TNNI3K: variants seen among roughly 807,000 people sequenced by gnomAD.
TNNI3K encodes the protein TNNI3 interacting kinase, also known as serine/threonine-protein kinase TNNI3K.
Under a neutral mutation model 114.5 loss-of-function variants are expected in TNNI3K, and 140 were observed. The ratio of observed to expected loss-of-function variants is 1.22; its 90% CI spans 1.07 to 1.41. The LOEUF (loss-of-function observed/expected upper bound fraction) is 1.41, where lower values mean the gene tolerates loss of function less well. TNNI3K is among the 40% of genes most tolerant of loss of function. The pLI, the probability that TNNI3K is intolerant of heterozygous loss-of-function variation, is 0.00. For synonymous variants in TNNI3K, 347 were observed against 347.5 expected (o/e 1.00, Z 0.02); for missense variants, 1,125 against 1,007.6 (o/e 1.12, Z -1.58).
rs551875023 is a variant in TNNI3K, at chr1:74,265,970, C to A, written c.334-5628C>A. Among the ~76,000 whole-genome samples the A allele has an allele frequency of 7.2e-5, 11 of 151,992 alleles. No individual in the cohort carries two copies. The South Asian group carries it at 2.3e-3, about 32-fold the overall frequency. On this transcript the variant is annotated intron_variant, in intron 4 of 24. Transcript: ENST00000326637. ...ACTATGGGTTATTGAATTATTTATT[C>A]ATTTTCTTTGTTTTTTACATTTTCT...
chr1:74,353,510 C>A, intron 10 of TNNI3K, 150 bp downstream of exon 10: 1 of 871,970 alleles, frequency 1.1e-6, no homozygotes, highest in Non-Finnish European at 1.7e-6. Flanking sequence ...TTGATAATGA[C>A]TGATAATAAT....
chr1:74,457,994 A>G (rs1314074015), intron 20 of TNNI3K, among the ~76,000 whole-genome samples: 1 of 152,200 alleles, frequency 6.6e-6, no homozygotes, highest in Non-Finnish European at 1.5e-5. Flanking sequence ...AACAAAACAG[A>G]AAACATACAA....
At chr1:74,251,635 G>A (rs1290356177) in intron 4 of TNNI3K, among the ~76,000 whole-genome samples, 1 of 152,072 alleles carries the variant, frequency 6.6e-6, no homozygotes, top group Non-Finnish European at 1.5e-5. Context: ...ATTTTCAAGC[G>A]AGTCTGTGAC....
At chr1:74,283,961 T>C (rs1237959894) in intron 5 of TNNI3K, among the ~76,000 whole-genome samples, 2 of 152,156 alleles carry the variant, frequency 1.3e-5, no homozygotes. Flanking sequence ...CCATACTCCT[T>C]ACAAGGAATT....
rs182984104 is a variant in TNNI3K, at chr1:74,410,318, T to C, written c.1773-25762T>C. ...GGAACTTTAGCTGTCCCAAAGAGCT[T>C]ATATTAATTTTCCAAAATCACGCAA... On this transcript the variant is annotated intron_variant, in intron 17 of 24. Transcript: ENST00000326637. 3.0e-4 allele frequency among the ~76,000 whole-genome samples: 46 copies of C among 152,276 alleles called. No homozygotes were observed. In the East Asian group the frequency reaches 8.5e-3, roughly 28 times the overall value.
chr1:74,319,629 C>T (rs1287132982), intron 5 of TNNI3K, among the ~76,000 whole-genome samples: 1 of 152,112 alleles, frequency 6.6e-6, no homozygotes, highest in Non-Finnish European at 1.5e-5. Context: ...CAAACATGGC[C>T]TGGCAAGTAG....
chr1:74,462,601 A>T (rs1029978968), intron 20 of TNNI3K, among the ~76,000 whole-genome samples: 2 of 152,224 alleles, frequency 1.3e-5, no homozygotes, highest in African/African-American at 4.8e-5. Flanking sequence ...CCTACTTTGC[A>T]TGGTGGTTAG....
chr1:74,508,869 AC>A (rs1290237969), intron 23 of TNNI3K, among the ~76,000 whole-genome samples: 2 of 152,154 alleles, frequency 1.3e-5, no homozygotes, highest in African/African-American at 4.8e-5. Flanking sequence ...TAAAATAGGG[AC>A]CATAATATTA....
intron 5 of TNNI3K, among the ~76,000 whole-genome samples, chr1:74,309,225 G>A (rs547700791): frequency 1.2e-4 from 18 of 149,566 alleles, no homozygotes; most frequent in South Asian, 6.5e-4. Context: ...AAAATTAGCC[G>A]GGCGAGGTGG....
intron 9 of TNNI3K, among the ~76,000 whole-genome samples, chr1:74,352,381 G>T (rs1570506707): frequency 6.6e-6 from 1 of 152,164 alleles, no homozygotes; most frequent in South Asian, 2.1e-4. Context: ...TGCCCCTACT[G>T]GGGGATGCCT....
intron 2 of TNNI3K, among the ~76,000 whole-genome samples, chr1:74,242,056 A>C (rs922440948): frequency 6.6e-6 from 1 of 151,878 alleles, no homozygotes; most frequent in Non-Finnish European, 1.5e-5. Flanking sequence ...TCACTGTGTT[A>C]GCCAGGATGG....
chr1:74,336,031 A>T lies in TNNI3K; in HGVS notation c.564A>T (p.Lys188Asn). Residue 188 changes from lysine (K) to asparagine (N), a missense_variant, in exon 7 of 25, where the codon AAA (lysine) becomes AAT (asparagine). Physicochemically the swap from Lys to Asn is moderately conservative, Grantham distance 94. Coordinates refer to ENST00000326637, the MANE Select transcript of TNNI3K (RefSeq NM_015978.3). ...GHEQVTRLLLKFGADVNVSGE... is the reference protein window; with the variant it reads ...GHEQVTRLLLNFGADVNVSGE... Reference sequence around the variant, plus strand: ...TTTAGGTAACTCGCCTTCTTTTGAAATTTGGTGCTGATGTAAATGTAAGTG... The same window carrying T: ...TTTAGGTAACTCGCCTTCTTTTGAATTTTGGTGCTGATGTAAATGTAAGTG... 1 of 1,576,654 alleles carries T rather than the reference A, an allele frequency of 6.3e-7. No individual in the cohort carries two copies. The highest frequency in any genetic ancestry group is 8.6e-7 in the Non-Finnish European group (1 of 1,169,118).
At chr1:74,504,374 T>A (rs1204843881) in intron 23 of TNNI3K, among the ~76,000 whole-genome samples, 2 of 152,164 alleles carry the variant, frequency 1.3e-5, no homozygotes, top group African/African-American at 2.4e-5. Flanking sequence ...CCAGCCCTCC[T>A]GAATGCTGTA....
At chr1:74,276,410 G>A (rs150239047) in intron 5 of TNNI3K, among the ~76,000 whole-genome samples, 1 of 152,198 alleles carries the variant, frequency 6.6e-6, no homozygotes, top group Non-Finnish European at 1.5e-5. Flanking sequence ...ACAAAGAATT[G>A]CTCAGTGATA....
intron 4 of TNNI3K, among the ~76,000 whole-genome samples, chr1:74,261,780 T>G (rs774669164): frequency 3.3e-5 from 5 of 152,162 alleles, no homozygotes; most frequent in Non-Finnish European, 7.4e-5. Context: ...TTTTAACATT[T>G]CGTATGATAA....
At chr1:74,324,661 T>C (rs1354953588) in intron 5 of TNNI3K, among the ~76,000 whole-genome samples, 1 of 152,096 alleles carries the variant, frequency 6.6e-6, no homozygotes, top group African/African-American at 2.4e-5. Flanking sequence ...CCAGGGACAG[T>C]TCAGGACACA....
chr1:74,271,773 C>T, intron 5 of TNNI3K, 65 bp downstream of exon 5: 2 of 1,377,094 alleles, frequency 1.5e-6, no homozygotes, highest in South Asian at 2.7e-5. Flanking sequence ...TTGTTCTTAA[C>T]TGTTTTGAAA....
rs376614288 is a variant in TNNI3K, at chr1:74,331,444, G to T, written c.445-6G>T. On this transcript the variant is annotated splice_region_variant and splice_polypyrimidine_tract_variant and intron_variant, in intron 5 of 24. Transcript: ENST00000326637. ...AGTTCTTAACCATAATCATTTTCTT[G>T]TCCAGGCTGCTGATGTGCTGTTGCA... 1 of 1,611,952 alleles carries T rather than the reference G, an allele frequency of 6.2e-7. No homozygotes were observed. Among genetic ancestry groups the T allele is most frequent in the Non-Finnish European group, 8.5e-7 (1 of 1,179,292 alleles).
chr1:74,364,710 G>A (rs936857292), intron 11 of TNNI3K, among the ~76,000 whole-genome samples: 16 of 151,688 alleles, frequency 1.1e-4, no homozygotes, highest in Non-Finnish European at 1.6e-4. Flanking sequence ...GAAAAGGGGG[G>A]CAGAAGCAGA....
Sources: gnomAD v4.1 joint callset for allele counts (sites outside exome capture counted in the v4.1 genomes callset) on GRCh38, gnomAD v4.1.1 for gene constraint, MANE v1.5 for transcripts, NCBI Gene and HGNC (gene_info 2026-07-23, HGNC 2026-07-21) for gene names.